The following MAJIN variants were observed in gnomAD, a reference collection of about 807,000 sequenced individuals.
The protein encoded by MAJIN is membrane anchored junction protein.
Under a neutral mutation model 30.2 loss-of-function variants are expected in MAJIN, and 27 were observed. That is an observed-to-expected ratio of 0.89 (90% CI 0.66 to 1.23). The LOEUF is 1.23. MAJIN is among the 50% of genes most tolerant of loss of function. MAJIN has a pLI of 0.00. For synonymous variants in MAJIN, 78 were observed against 91.6 expected (o/e 0.85, Z 0.85); for missense variants, 253 against 260.3 (o/e 0.97, Z 0.19).
intron 6 of MAJIN, among the ~76,000 whole-genome samples, chr11:64,948,718 G>A (rs1218846409): frequency 3.2e-5 from 4 of 126,636 alleles, no homozygotes; most frequent in Middle Eastern, 5.5e-3. Context: ...GTGCAGGGGC[G>A]TGATCTCAGC....
intron 7 of MAJIN, 93 bp from the exon 8 acceptor site, chr11:64,947,558 T>C: frequency 1.5e-6 from 2 of 1,304,498 alleles, no homozygotes; most frequent in Non-Finnish European, 2.2e-6. Context: ...ATCCTTAAAC[T>C]GCCAAAGGCA....
rs549747683 is a variant in MAJIN, at chr11:64,962,639, A to G, written c.-64-2504T>C. Among the ~76,000 whole-genome samples the G allele has an allele frequency of 2.6e-4, 39 of 152,346 alleles. No homozygotes were observed. The South Asian group carries it at 7.7e-3, about 30-fold the overall frequency. On this transcript the variant is annotated intron_variant, in intron 1 of 10. Transcript: ENST00000301896. ...CCTGCTTCTGCCTCTATTAGTCATT[A>G]GTCCCTGAGCAAGTCACTTAACTTC...
intron 8 of MAJIN, among the ~76,000 whole-genome samples, chr11:64,946,791 G>T (rs1267347895): frequency 6.6e-6 from 1 of 152,098 alleles, no homozygotes; most frequent in Non-Finnish European, 1.5e-5. Flanking sequence ...GACTCATTTT[G>T]TTCCTGATAG....
chr11:64,961,891 G>A (rs1166895692), intron 1 of MAJIN, among the ~76,000 whole-genome samples: 1 of 150,930 alleles, frequency 6.6e-6, no homozygotes, highest in Non-Finnish European at 1.5e-5. Context: ...TAGGCTCAAG[G>A]GATCCTCCCA....
chr11:64,951,165 C>T (rs563713565), intron 4 of MAJIN, among the ~76,000 whole-genome samples: 2 of 152,278 alleles, frequency 1.3e-5, no homozygotes, highest in South Asian at 4.1e-4. Context: ...CTTAGTATCC[C>T]TTCTATGGTG....
intron 1 of MAJIN, among the ~76,000 whole-genome samples, chr11:64,960,597 G>A (rs1322916588): frequency 6.6e-6 from 1 of 152,058 alleles, no homozygotes; most frequent in Non-Finnish European, 1.5e-5. Context: ...TGCTTCCTGG[G>A]GTTATAAGGA....
chr11:64,963,984 C>A (rs907105188), intron 1 of MAJIN, among the ~76,000 whole-genome samples: 1 of 152,180 alleles, frequency 6.6e-6, no homozygotes, highest in Non-Finnish European at 1.5e-5. Context: ...CACTCTGTTG[C>A]CCAAGCTGGA....
Position 64,967,850 on chromosome 11 carries a change from T to G in MAJIN, c.-65+4027A>C, listed in dbSNP as rs138409628. ...GAGGTGTGGAGAGCAACATTCAACA[T>G]ATAAATAAATAAACAAATATAAATT... On this transcript the variant is annotated intron_variant, in intron 1 of 10. Transcript: ENST00000301896. 1.3e-4 allele frequency among the ~76,000 whole-genome samples: 20 copies of G among 152,258 alleles called. No individual in the cohort carries two copies. The East Asian group carries it at 3.9e-3, about 29-fold the overall frequency.
At chr11:64,971,356 G>C (rs1945900338) in intron 1 of MAJIN, among the ~76,000 whole-genome samples, 1 of 150,792 alleles carries the variant, frequency 6.6e-6, no homozygotes, top group African/African-American at 2.4e-5. Flanking sequence ...GAACCCAGGA[G>C]GCGGAGGTTG....
chr11:64,960,465 G>A (rs1043365344), intron 1 of MAJIN, among the ~76,000 whole-genome samples: 1 of 152,208 alleles, frequency 6.6e-6, no homozygotes, highest in East Asian at 1.9e-4. Flanking sequence ...AAATTTGATA[G>A]GTGAGGAAAC....
intron 3 of MAJIN, among the ~76,000 whole-genome samples, chr11:64,956,528 T>C (rs1259832433): frequency 1.3e-5 from 2 of 151,732 alleles, no homozygotes; most frequent in Non-Finnish European, 2.9e-5. Flanking sequence ...AGGTCAAATA[T>C]TCATTCAAAG....
chr11:64,962,017 C>T (rs1309950301), intron 1 of MAJIN, among the ~76,000 whole-genome samples: 1 of 151,906 alleles, frequency 6.6e-6, no homozygotes. Flanking sequence ...GAACTCCTGG[C>T]CTCAAGTGAT....
chr11:64,957,766 G>A (rs188370031), intron 3 of MAJIN, among the ~76,000 whole-genome samples: 3 of 151,598 alleles, frequency 2.0e-5, no homozygotes, highest in East Asian at 1.9e-4. Context: ...GCAAGATCTC[G>A]GCTTACTGCA....
At chr11:64,964,822 G>C (rs1945782010) in intron 1 of MAJIN, among the ~76,000 whole-genome samples, 1 of 152,126 alleles carries the variant, frequency 6.6e-6, no homozygotes, top group Non-Finnish European at 1.5e-5. Context: ...CTGAGCTCAA[G>C]AGATCCACCC....
intron 4 of MAJIN, among the ~76,000 whole-genome samples, chr11:64,953,068 TAAGAGA>T (rs1243556080): frequency 1.3e-5 from 2 of 152,116 alleles, no homozygotes; most frequent in Non-Finnish European, 2.9e-5. Flanking sequence ...CTAGTGAGCA[TAAGAGA>T]AAGATGCATA....
At chr11:64,943,113 A>G (rs921393818) in intron 8 of MAJIN, among the ~76,000 whole-genome samples, 2 of 152,242 alleles carry the variant, frequency 1.3e-5, no homozygotes, top group African/African-American at 4.8e-5. Flanking sequence ...CCATCAGAAC[A>G]TAATACTCTG....
At chr11:64,947,533 T>G in intron 7 of MAJIN, 68 bp from the exon 8 acceptor site, 1 of 1,471,814 alleles carries the variant, frequency 6.8e-7, no homozygotes, top group Non-Finnish European at 9.4e-7. Context: ...GAAGGCACAG[T>G]GAAGAAAACT....
At chr11:64,944,714 C>T (rs1405260215) in intron 8 of MAJIN, among the ~76,000 whole-genome samples, 3 of 152,152 alleles carry the variant, frequency 2.0e-5, no homozygotes, top group Admixed American at 6.5e-5. Flanking sequence ...TACTCGATAA[C>T]TGCTCATGTT....
chr11:64,949,980 G>A (rs1374904079), intron 5 of MAJIN, 112 bp from the exon 6 acceptor site: 2 of 1,361,464 alleles, frequency 1.5e-6, no homozygotes, highest in Non-Finnish European at 2.0e-6. Context: ...ACTGCCTATG[G>A]TTTTGCTACG....
Sources: allele counts gnomAD v4.1 joint callset (sites outside exome capture counted in the v4.1 genomes callset), GRCh38; gene constraint gnomAD v4.1.1; transcripts MANE v1.5; gene names NCBI Gene and HGNC (gene_info 2026-07-23, HGNC 2026-07-21).